Variants in KCND2 observed in about 807,000 individuals in gnomAD.
KCND2 encodes potassium voltage-gated channel subfamily D member 2.
Under a neutral mutation model 54.4 loss-of-function variants are expected in KCND2, and 16 were observed. That is an observed-to-expected ratio of 0.29 (90% confidence interval 0.20 to 0.45). The LOEUF is 0.45. Among genes scored for constraint, KCND2 ranks in the 20% least tolerant of loss-of-function variants. The pLI is 1.00. For missense variants in KCND2, 486 were observed against 824.2 expected (o/e 0.59, Z 5.02); for synonymous variants, 317 against 310.7 (o/e 1.02, Z -0.21).
At chr7:120,351,519 C>A (rs966657919) in intron 1 of KCND2, among the ~76,000 whole-genome samples, 116 of 151,686 alleles carry the variant, frequency 7.6e-4, no homozygotes, top group Non-Finnish European at 1.5e-3. Flanking sequence ...CAGGAAGAAG[C>A]ATGCAGTAAA....
In KCND2 at chr7:120,439,230, C is replaced by T. The variant is rs181196783; in HGVS notation, c.1115+163483C>T. Among the ~76,000 whole-genome samples, 21 of 152,108 alleles carry T rather than the reference C, an allele frequency of 1.4e-4. No individual in the cohort carries two copies. The East Asian group carries it at 3.9e-3, about 28-fold the overall frequency. On this transcript the variant is annotated intron_variant, in intron 1 of 5. Coordinates refer to ENST00000331113, the MANE Select transcript of KCND2 (RefSeq NM_012281.3). ...TTAGAATTTTTTTAGGCTCTAGAGC[C>T]TACCAATTAAACTAGGATTTAAATT...
intron 1 of KCND2, among the ~76,000 whole-genome samples, chr7:120,454,294 GA>G (rs1802162505): frequency 6.6e-6 from 1 of 151,986 alleles, no homozygotes; most frequent in South Asian, 2.1e-4. Flanking sequence ...TAATAAATAT[GA>G]TTGATAGACC....
intron 1 of KCND2, among the ~76,000 whole-genome samples, chr7:120,394,723 A>G (rs1270164408): frequency 6.6e-6 from 1 of 151,956 alleles, no homozygotes; most frequent in Non-Finnish European, 1.5e-5. Flanking sequence ...AGCAAGGGAG[A>G]GTAGTCAGCC....
chr7:120,513,966 T>C (rs1803159363), intron 1 of KCND2, among the ~76,000 whole-genome samples: 1 of 152,132 alleles, frequency 6.6e-6, no homozygotes, highest in Admixed American at 6.6e-5. Context: ...TTATTAACAA[T>C]TTAAACCCAC....
intron 1 of KCND2, among the ~76,000 whole-genome samples, chr7:120,563,244 A>C (rs1792257185): frequency 6.6e-6 from 1 of 152,180 alleles, no homozygotes; most frequent in Admixed American, 6.5e-5. Flanking sequence ...TTGTAAGTTC[A>C]AGAATAGTTT....
intron 1 of KCND2, among the ~76,000 whole-genome samples, chr7:120,457,204 C>T (rs2116230510): frequency 6.6e-6 from 1 of 152,292 alleles, no homozygotes; most frequent in East Asian, 1.9e-4. Flanking sequence ...AAGGGAGGGA[C>T]TGCTGTGAAT....
At chr7:120,743,468 G>C (rs535817080) in intron 4 of KCND2, among the ~76,000 whole-genome samples, 1 of 152,270 alleles carries the variant, frequency 6.6e-6, no homozygotes, top group East Asian at 1.9e-4. Flanking sequence ...CTACCATTTA[G>C]CCTCTGTTTA....
At chr7:120,353,972 C>A (rs531245821) in intron 1 of KCND2, among the ~76,000 whole-genome samples, 1 of 152,208 alleles carries the variant, frequency 6.6e-6, no homozygotes, top group African/African-American at 2.4e-5. Context: ...TTTATAAAAT[C>A]TCAACCTTTG....
At chr7:120,520,585 G>T (rs528396875) in intron 1 of KCND2, among the ~76,000 whole-genome samples, 2 of 152,134 alleles carry the variant, frequency 1.3e-5, no homozygotes, top group Non-Finnish European at 2.9e-5. Context: ...GCTCAGGGAC[G>T]CTCCTGAAGA....
chr7:120,519,400 G>A (rs759896684), intron 1 of KCND2, among the ~76,000 whole-genome samples: 1 of 151,998 alleles, frequency 6.6e-6, no homozygotes, highest in Non-Finnish European at 1.5e-5. Flanking sequence ...AGCAGCTGCC[G>A]GTAGCTGACA....
At chr7:120,326,007 G>A (rs946338080) in intron 1 of KCND2, among the ~76,000 whole-genome samples, 2 of 152,044 alleles carry the variant, frequency 1.3e-5, no homozygotes, top group Non-Finnish European at 2.9e-5. Flanking sequence ...AAAGACATGA[G>A]CTTGATAAAT....
At chr7:120,731,153 T>C (rs1792801608) in intron 1 of KCND2, among the ~76,000 whole-genome samples, 1 of 152,206 alleles carries the variant, frequency 6.6e-6, no homozygotes, top group Admixed American at 6.6e-5. Context: ...CTCATTCAAC[T>C]AATATGTAGT....
intron 1 of KCND2, among the ~76,000 whole-genome samples, chr7:120,612,674 G>A (rs1282713801): frequency 7.2e-5 from 11 of 152,264 alleles, no homozygotes; most frequent in East Asian, 3.9e-4. Context: ...CTTAAAGAAC[G>A]TGCCTTTCAG....
At chr7:120,534,716 A>G (rs1018681142) in intron 1 of KCND2, among the ~76,000 whole-genome samples, 8 of 152,288 alleles carry the variant, frequency 5.3e-5, no homozygotes, top group African/African-American at 1.7e-4. Flanking sequence ...TGAGAGGTAC[A>G]TACGAACTCT....
chr7:120,577,451 A>G (rs1167227517), intron 1 of KCND2, among the ~76,000 whole-genome samples: 13 of 152,160 alleles, frequency 8.5e-5, no homozygotes, highest in Non-Finnish European at 1.5e-5. Context: ...GGACTTTCTC[A>G]TACCTCCAAA....
At chr7:120,661,122 T>C (rs1005684651) in intron 1 of KCND2, among the ~76,000 whole-genome samples, 8 of 152,148 alleles carry the variant, frequency 5.3e-5, no homozygotes, top group Admixed American at 5.2e-4. Flanking sequence ...TAAATAATGA[T>C]GTGGAATCAG....
intron 1 of KCND2, among the ~76,000 whole-genome samples, chr7:120,452,798 G>A (rs1022731054): frequency 6.6e-6 from 1 of 152,100 alleles, no homozygotes; most frequent in Non-Finnish European, 1.5e-5. Context: ...GATACCCATC[G>A]CCCAAGGCTC....
At chr7:120,608,405 C>T (rs904961503) in intron 1 of KCND2, among the ~76,000 whole-genome samples, 1 of 152,062 alleles carries the variant, frequency 6.6e-6, no homozygotes, top group African/African-American at 2.4e-5. Context: ...TCCTCATTTT[C>T]AAGTAAATAG....
chr7:120,308,173 A>G (rs1167990274), intron 1 of KCND2, among the ~76,000 whole-genome samples: 4 of 152,088 alleles, frequency 2.6e-5, no homozygotes, highest in African/African-American at 9.7e-5. Flanking sequence ...AGAGGGAGAG[A>G]GAGAAAAAAA....
Sources: allele counts gnomAD v4.1 joint callset (sites outside exome capture counted in the v4.1 genomes callset), GRCh38; gene constraint gnomAD v4.1.1; transcripts MANE v1.5; gene names NCBI Gene and HGNC (gene_info 2026-07-23, HGNC 2026-07-21).